IQCJ: variants seen among roughly 807,000 people sequenced by gnomAD.
The protein encoded by IQCJ is IQ domain-containing protein J.
A neutral mutation model predicts 11.0 loss-of-function variants in IQCJ; 9 were observed. The observed-to-expected ratio is 0.82, with a 90% CI of 0.49 to 1.43. The LOEUF is 1.43. Among genes scored for constraint, IQCJ ranks in the 40% most tolerant of loss-of-function variants. The pLI is 0.00. For missense variants in IQCJ, 146 were observed against 133.2 expected, an observed-to-expected ratio of 1.10 and a Z score of -0.47; for synonymous variants, 55 against 51.3, an observed-to-expected ratio of 1.07 and a Z score of -0.31.
chr3:159,239,668 C>G (rs981265202), intron 1 of IQCJ, among the ~76,000 whole-genome samples: 1 of 152,192 alleles, frequency 6.6e-6, no homozygotes, highest in Admixed American at 6.5e-5. Context: ...CAAGTTTGAC[C>G]ATTTCCAGTC....
chr3:159,248,174 T>C (rs1281007924), intron 2 of IQCJ, among the ~76,000 whole-genome samples: 1 of 152,218 alleles, frequency 6.6e-6, no homozygotes, highest in Non-Finnish European at 1.5e-5. Flanking sequence ...GACAGTCTTA[T>C]TGAGAGCATT....
At chr3:159,214,247 T>G (rs1210123055) in intron 1 of IQCJ, among the ~76,000 whole-genome samples, 1 of 152,150 alleles carries the variant, frequency 6.6e-6, no homozygotes, top group African/African-American at 2.4e-5. Context: ...ATTCTCTCCG[T>G]TAATGGAGTA....
intron 1 of IQCJ, among the ~76,000 whole-genome samples, chr3:159,162,071 G>C (rs1196255531): frequency 6.6e-6 from 1 of 152,160 alleles, no homozygotes; most frequent in Non-Finnish European, 1.5e-5. Flanking sequence ...TGTGAAGAAA[G>C]TCATTGGTAC....
At chr3:159,265,648 GC>G, downstream of IQCJ, 5 of 372,172 alleles carry the variant, frequency 1.3e-5, no homozygotes, top group Non-Finnish European at 2.5e-5. Flanking sequence ...TTAATCTATT[GC>G]TGTTACTGCC....
rs888404118 is a variant in IQCJ, at chr3:159,259,007, A to C, written c.156-3541A>C. Among the ~76,000 whole-genome samples the C allele has an allele frequency of 3.3e-5, 5 of 152,156 alleles. No homozygotes were observed. In the East Asian group the frequency reaches 9.6e-4, roughly 29 times the overall value. ...TCAATCTCAATCCCATCCATGCTTC[A>C]GGACTAATTAAAATACTAGGACTCC... is the stretch of plus-strand genomic sequence containing the variant. On this transcript the variant is annotated intron_variant, in intron 3 of 3. Coordinates refer to ENST00000397832, the MANE Select transcript of IQCJ (RefSeq NM_001042706.3).
intron 1 of IQCJ, among the ~76,000 whole-genome samples, chr3:159,181,268 T>C (rs1435698801): frequency 6.6e-6 from 1 of 151,520 alleles, no homozygotes; most frequent in African/African-American, 2.4e-5. Flanking sequence ...AGGATTCTTT[T>C]AAGCAATTTC....
intron 1 of IQCJ, among the ~76,000 whole-genome samples, chr3:159,201,981 T>C (rs1212939393): frequency 6.6e-6 from 1 of 152,198 alleles, no homozygotes; most frequent in Non-Finnish European, 1.5e-5. Context: ...TATACTACAC[T>C]GGAAGACAGA....
intron 2 of IQCJ, among the ~76,000 whole-genome samples, chr3:159,249,799 A>G (rs1393641506): frequency 6.6e-6 from 1 of 152,190 alleles, no homozygotes; most frequent in East Asian, 1.9e-4. Flanking sequence ...TTTATTCTGA[A>G]TGCTCAACAG....
intron 1 of IQCJ, among the ~76,000 whole-genome samples, chr3:159,163,203 C>A (rs1420263670): frequency 2.0e-5 from 3 of 152,200 alleles, no homozygotes; most frequent in Admixed American, 6.5e-5. Flanking sequence ...AATCCAGCAG[C>A]ACATCAAAAA....
At chr3:159,106,109 G>A (rs898029545) in intron 1 of IQCJ, among the ~76,000 whole-genome samples, 2 of 152,112 alleles carry the variant, frequency 1.3e-5, no homozygotes, top group African/African-American at 4.8e-5. Flanking sequence ...AGGAGAAGAG[G>A]AGAATGGAAT....
At chr3:159,095,321 A>G (rs116977202) in intron 1 of IQCJ, among the ~76,000 whole-genome samples, 9,622 of 151,804 alleles carry the variant, frequency 0.063, 705 homozygotes, top group East Asian at 0.35. Flanking sequence ...TTATTTTTGG[A>G]ATATAGAGAC....
At chr3:159,186,403 T>A (rs1383993322) in intron 1 of IQCJ, among the ~76,000 whole-genome samples, 1 of 152,240 alleles carries the variant, frequency 6.6e-6, no homozygotes. Flanking sequence ...GTGTTTCACA[T>A]GGCCCATCTG....
intron 1 of IQCJ, among the ~76,000 whole-genome samples, chr3:159,104,689 C>A (rs1718139825): frequency 6.6e-6 from 1 of 152,186 alleles, no homozygotes; most frequent in Non-Finnish European, 1.5e-5. Context: ...TCTCTGCATT[C>A]CTCTAAAGAA....
chr3:159,225,214 T>TA, intron 1 of IQCJ, among the ~76,000 whole-genome samples: 1 of 152,060 alleles, frequency 6.6e-6, no homozygotes, highest in East Asian at 1.9e-4. Context: ...AACTCAACAA[T>TA]AAAAAAGGTA....
intron 1 of IQCJ, among the ~76,000 whole-genome samples, chr3:159,140,042 G>A (rs1720511953): frequency 6.6e-6 from 1 of 152,146 alleles, no homozygotes; most frequent in Non-Finnish European, 1.5e-5. Context: ...AAATTGAGCA[G>A]AAAGTAAAGA....
intron 1 of IQCJ, among the ~76,000 whole-genome samples, chr3:159,123,476 G>A (rs960465351): frequency 6.6e-6 from 1 of 152,152 alleles, no homozygotes; most frequent in Non-Finnish European, 1.5e-5. Context: ...GTGGCCAAGG[G>A]ACAGCTGTTT....
At chr3:159,187,677 G>A (rs1436016063) in intron 1 of IQCJ, among the ~76,000 whole-genome samples, 2 of 152,218 alleles carry the variant, frequency 1.3e-5, no homozygotes, top group East Asian at 1.9e-4. Context: ...AGGGAAGCTC[G>A]AAGGATGGCA....
At chr3:159,118,630 T>C (rs992353805) in intron 1 of IQCJ, among the ~76,000 whole-genome samples, 1 of 152,210 alleles carries the variant, frequency 6.6e-6, no homozygotes, top group African/African-American at 2.4e-5. Context: ...ACCAGTTGGC[T>C]TCCAAGCCTA....
chr3:159,224,179 C>A (rs1333278820), intron 1 of IQCJ, among the ~76,000 whole-genome samples: 2 of 151,914 alleles, frequency 1.3e-5, no homozygotes, highest in Admixed American at 6.6e-5. Context: ...TTAGCTGAGG[C>A]TGCGAGGGTT....
Sources: allele counts gnomAD v4.1 joint callset (sites outside exome capture counted in the v4.1 genomes callset), GRCh38; gene constraint gnomAD v4.1.1; transcripts MANE v1.5; gene names NCBI Gene and HGNC (gene_info 2026-07-23, HGNC 2026-07-21).